The following CTNND2 variants were observed in gnomAD, a reference collection of about 807,000 sequenced individuals.
The protein encoded by CTNND2 is catenin delta-2.
In CTNND2, 22 loss-of-function variants were observed where a neutral mutation model predicts 144.4. That is an observed-to-expected ratio of 0.15 (90% CI 0.11 to 0.22). The LOEUF is 0.22. CTNND2 is among the 10% of genes least tolerant of loss of function. The pLI, the probability that CTNND2 is intolerant of heterozygous loss-of-function variation, is 1.00. For missense variants in CTNND2, 1,353 were observed against 1,618.8 expected (o/e 0.84, Z 2.82); for synonymous variants, 751 against 695.6 (o/e 1.08, Z -1.25).
intron 3 of CTNND2, among the ~76,000 whole-genome samples, chr5:11,472,782 C>T (rs1442922122): frequency 2.0e-5 from 3 of 152,168 alleles, no homozygotes; most frequent in Non-Finnish European, 1.5e-5. Context: ...TATAATATGA[C>T]GGTGTTAGAC....
intron 12 of CTNND2, among the ~76,000 whole-genome samples, chr5:11,141,703 G>T (rs1756745407): frequency 6.6e-6 from 1 of 152,166 alleles, no homozygotes; most frequent in Admixed American, 6.5e-5. Flanking sequence ...AGGAGCCCAG[G>T]TTGGCAGCAG....
intron 9 of CTNND2, among the ~76,000 whole-genome samples, chr5:11,299,443 G>A (rs1473718251): frequency 6.6e-6 from 1 of 152,152 alleles, no homozygotes; most frequent in East Asian, 1.9e-4. Context: ...GAGGAGTGGA[G>A]CTCTTGACTC....
chr5:11,487,552 GGCAGTCAGAGT>G (rs1768946561), intron 3 of CTNND2, among the ~76,000 whole-genome samples: 1 of 152,126 alleles, frequency 6.6e-6, no homozygotes, highest in Admixed American at 6.5e-5. Flanking sequence ...GGTGGCATGT[GGCAGTCAGAGT>G]GCAGTGTGCT....
intron 2 of CTNND2, among the ~76,000 whole-genome samples, chr5:11,636,095 A>G (rs1366647752): frequency 2.0e-5 from 3 of 151,424 alleles, no homozygotes; most frequent in Admixed American, 1.3e-4. Flanking sequence ...AGAGAGAAGA[A>G]AACTGAGGAA....
chr5:11,534,916 G>A (rs1671773840), intron 3 of CTNND2, among the ~76,000 whole-genome samples: 2 of 152,114 alleles, frequency 1.3e-5, no homozygotes, highest in African/African-American at 4.8e-5. Context: ...TTGGCCGGGA[G>A]CTGTGGCTGA....
intron 1 of CTNND2, among the ~76,000 whole-genome samples, chr5:11,883,198 A>C (rs576515002): frequency 1.5e-3 from 230 of 152,236 alleles, no homozygotes; most frequent in Middle Eastern, 3.4e-3. Flanking sequence ...TTATTTTATT[A>C]TACTTCAAGT....
chr5:11,773,704 G>T (rs547317707), intron 1 of CTNND2, among the ~76,000 whole-genome samples: 1 of 151,860 alleles, frequency 6.6e-6, no homozygotes, highest in African/African-American at 2.4e-5. Context: ...CAGCTACTTT[G>T]GGTGGCTGAG....
chr5:11,665,230 G>C (rs896317100), intron 2 of CTNND2, among the ~76,000 whole-genome samples: 2 of 152,106 alleles, frequency 1.3e-5, no homozygotes, highest in Non-Finnish European at 2.9e-5. Context: ...GAATCCGTGG[G>C]CTAGCTGGGA....
chr5:11,564,768 C>A (rs937468007), intron 3 of CTNND2, among the ~76,000 whole-genome samples, 176 bp downstream of exon 3: 1 of 152,210 alleles, frequency 6.6e-6, no homozygotes, highest in Non-Finnish European at 1.5e-5. Context: ...GTTTCAAATA[C>A]AAATCAGGAC....
intron 2 of CTNND2, among the ~76,000 whole-genome samples, chr5:11,676,171 C>T (rs1784164980): frequency 6.6e-6 from 1 of 152,074 alleles, no homozygotes; most frequent in African/African-American, 2.4e-5. Flanking sequence ...GTTTTCCTAA[C>T]TTTACTACCT....
chr5:11,426,512 G>C (rs1028067127), intron 3 of CTNND2, among the ~76,000 whole-genome samples: 4 of 152,212 alleles, frequency 2.6e-5, no homozygotes, highest in Non-Finnish European at 4.4e-5. Context: ...TGTGCAGAGT[G>C]AAGGAGATAC....
intron 7 of CTNND2, among the ~76,000 whole-genome samples, chr5:11,367,126 C>A (rs1757059389): frequency 6.6e-6 from 1 of 152,172 alleles, no homozygotes. Flanking sequence ...TGTGTAAATG[C>A]TTGTGCAAAA....
chr5:11,888,790 A>C (rs1182334764), intron 1 of CTNND2, among the ~76,000 whole-genome samples: 1 of 146,548 alleles, frequency 6.8e-6, no homozygotes, highest in African/African-American at 2.5e-5. Flanking sequence ...TCTGTCACCC[A>C]GGCTGGAGTG....
chr5:11,423,717 C>T (rs1762548340), intron 3 of CTNND2, among the ~76,000 whole-genome samples: 1 of 152,152 alleles, frequency 6.6e-6, no homozygotes, highest in Non-Finnish European at 1.5e-5. Flanking sequence ...CTTCTCTTTC[C>T]TCTGCTTTTG....
At chr5:11,148,985 C>T (rs1054605713) in intron 12 of CTNND2, among the ~76,000 whole-genome samples, 2 of 152,172 alleles carry the variant, frequency 1.3e-5, no homozygotes, top group African/African-American at 4.8e-5. Flanking sequence ...GTAGCCAGTG[C>T]TGCCTGCAGA....
At chr5:11,198,023 C>A (rs1364464604) in intron 11 of CTNND2, among the ~76,000 whole-genome samples, 1 of 152,210 alleles carries the variant, frequency 6.6e-6, no homozygotes, top group African/African-American at 2.4e-5. Flanking sequence ...AGTCTTACTG[C>A]ACGGAAGCCT....
chr5:11,706,312 G>A (rs1410921052), intron 2 of CTNND2, among the ~76,000 whole-genome samples: 1 of 152,172 alleles, frequency 6.6e-6, no homozygotes, highest in Non-Finnish European at 1.5e-5. Context: ...GCAAAACTCT[G>A]AAACCATTTC....
chr5:11,847,507 C>T (rs779962085), intron 1 of CTNND2, among the ~76,000 whole-genome samples: 6 of 151,726 alleles, frequency 4.0e-5, no homozygotes, highest in East Asian at 1.9e-4. Context: ...GGTAATAGGA[C>T]AGTTTGGTCA....
In CTNND2 at chr5:11,754,780, GC is replaced by G. The variant is rs553062436; in HGVS notation, c.38-22509del. On this transcript the variant is annotated intron_variant, in intron 1 of 21. Coordinates refer to ENST00000304623, the MANE Select transcript of CTNND2 (RefSeq NM_001332.4). Reference sequence around the variant, plus strand: ...GTCTGAAATTAGAATAGCAGCCCCTGCTTTTTTCTGTTTATATAGTGGATTT... The same window carrying G: ...GTCTGAAATTAGAATAGCAGCCCCTGTTTTTTCTGTTTATATAGTGGATTT... Among the ~76,000 whole-genome samples, 597 of 151,750 alleles carry G rather than the reference GC, an allele frequency of 3.9e-3. 4 individuals are homozygous for G. Among genetic ancestry groups the G allele is most frequent in the African/African-American group, 0.013 (557 of 41,470 alleles).
Sources: allele counts gnomAD v4.1 joint callset (sites outside exome capture counted in the v4.1 genomes callset), GRCh38; gene constraint gnomAD v4.1.1; transcripts MANE v1.5; gene names NCBI Gene and HGNC (gene_info 2026-07-23, HGNC 2026-07-21).